Variants in COL14A1 observed in about 807,000 individuals in gnomAD.
The protein encoded by COL14A1 is collagen type XIV alpha 1 chain.
Under a neutral mutation model 230.3 loss-of-function variants are expected in COL14A1, and 136 were observed. The ratio of observed to expected loss-of-function variants is 0.59; its 90% CI spans 0.51 to 0.68. COL14A1 has a LOEUF of 0.68. Among genes scored for constraint, COL14A1 ranks in the 30% least tolerant of loss-of-function variants. The pLI is 0.00. For synonymous variants in COL14A1, 792 were observed against 784.1 expected (o/e 1.01, Z -0.17); for missense variants, 1,976 against 2,215.8 (o/e 0.89, Z 2.17).
intron 12 of COL14A1, among the ~76,000 whole-genome samples, chr8:120,211,558 G>A (rs1817616191): frequency 6.6e-6 from 1 of 152,014 alleles, no homozygotes; most frequent in South Asian, 2.1e-4. Context: ...AAGACCTGTT[G>A]TTTTATCTGA....
At position 120,131,838 on chromosome 8, in the gene COL14A1, C is replaced by CT. The variant is rs1172286717; in HGVS notation, c.-38+6524dup. 6.8e-3 allele frequency among the ~76,000 whole-genome samples: 472 copies of CT among 68,996 alleles called. 30 individuals are homozygous for CT. Among genetic ancestry groups the CT allele is most frequent in the African/African-American group, 0.013 (222 of 17,484 alleles). 45.3% of individuals were successfully genotyped at this position (68,996 alleles called of 152,430 possible). On this transcript the variant is annotated intron_variant, in intron 1 of 47. Coordinates refer to ENST00000297848, the MANE Select transcript of COL14A1 (RefSeq NM_021110.4). Reference sequence around the variant, plus strand: ...GGTTTTCTTCCTTTTTTCTTCCTTTCTTTTTTTTTTTTTTTTTTTTTTTTT... The same window carrying CT: ...GGTTTTCTTCCTTTTTTCTTCCTTTCTTTTTTTTTTTTTTTTTTTTTTTTTT...
At position 120,271,319 on chromosome 8, in the gene COL14A1, C is replaced by T. The variant is rs929136940; in HGVS notation, c.3213+1145C>T. Among the ~76,000 whole-genome samples, 40 of 151,348 alleles carry T rather than the reference C, an allele frequency of 2.6e-4. 1 individual carries two copies. Among genetic ancestry groups the T allele is most frequent in the Non-Finnish European group, 1.6e-4 (11 of 67,626 alleles). On this transcript the variant is annotated intron_variant, in intron 26 of 47. Transcript: ENST00000297848. ...ATAAAATAATCTGTGCATCATATCCCATGACTTGCAATTTATCTCTCTAAC... is the reference window on the plus strand; with the variant it reads ...ATAAAATAATCTGTGCATCATATCCTATGACTTGCAATTTATCTCTCTAAC...
intron 34 of COL14A1, among the ~76,000 whole-genome samples, chr8:120,295,932 T>C (rs1210640520): frequency 2.0e-5 from 3 of 151,924 alleles, no homozygotes; most frequent in African/African-American, 7.2e-5. Context: ...AGAATCCGTA[T>C]GATCTTTGAA....
Position 120,216,450 on chromosome 8 carries a change from G to A in COL14A1, c.1697G>A (p.Arg566Gln), listed in dbSNP as rs1817753948. Reference sequence around the variant, plus strand: ...ACTTCAAGACAGATCAATGGTTATCGAATTGTATATAACAATGCAGATGGG... The same window carrying A: ...ACTTCAAGACAGATCAATGGTTATCAAATTGTATATAACAATGCAGATGGG... Reference protein sequence around the residue: ...DPTSRQINGYRIVYNNADGTE... With the variant: ...DPTSRQINGYQIVYNNADGTE... The change falls in exon 14 of 48, where the codon CGA becomes CAA. Residue 566 changes from arginine to glutamine, a missense_variant. Around this residue, in one of 3 missense-constraint regions of COL14A1, gnomAD observed 1,791 missense variants for 2,019.5 expected, o/e 0.89. Coordinates refer to ENST00000297848, the MANE Select transcript of COL14A1 (RefSeq NM_021110.4). 8.1e-6 allele frequency: 13 copies of A among 1,613,632 alleles called. No individual in the cohort carries two copies. The highest frequency in any genetic ancestry group is 9.3e-6 in the Non-Finnish European group (11 of 1,179,854).
intron 6 of COL14A1, 143 bp downstream of exon 6, chr8:120,197,089 C>A: frequency 1.5e-6 from 1 of 657,050 alleles, no homozygotes; most frequent in Non-Finnish European, 2.5e-6. Context: ...ATGTTTGGAT[C>A]AATAAATATT....
chr8:120,218,132 A>G (rs1817818030), intron 14 of COL14A1, among the ~76,000 whole-genome samples: 1 of 137,756 alleles, frequency 7.3e-6, no homozygotes, highest in Admixed American at 7.6e-5. Context: ...ATATAAAAAT[A>G]TATAATATAT....
chr8:120,295,234 G>T (rs929419870), intron 34 of COL14A1, among the ~76,000 whole-genome samples: 2 of 151,830 alleles, frequency 1.3e-5, no homozygotes, highest in African/African-American at 4.8e-5. Flanking sequence ...AGACAAAATG[G>T]CATTGTAAGA....
chr8:120,249,093 A>ATT (rs773091250), intron 21 of COL14A1, among the ~76,000 whole-genome samples: 5,754 of 127,838 alleles, frequency 0.045, 166 homozygotes, highest in Middle Eastern at 0.11. Flanking sequence ...CGCCCGGCTA[A>ATT]TTTTTTTTTT....
intron 42 of COL14A1, among the ~76,000 whole-genome samples, chr8:120,336,709 G>A (rs563653247): frequency 1.4e-4 from 21 of 152,184 alleles, no homozygotes; most frequent in African/African-American, 4.6e-4. Context: ...TTTCCAACTT[G>A]GATTACCATC....
chr8:120,350,322 C>A (rs1413077697), intron 45 of COL14A1, among the ~76,000 whole-genome samples: 1 of 148,516 alleles, frequency 6.7e-6, no homozygotes, highest in East Asian at 2.0e-4. Flanking sequence ...GAAGAAACTG[C>A]ATCAACTAAC....
intron 22 of COL14A1, among the ~76,000 whole-genome samples, chr8:120,251,371 T>C (rs547218982): frequency 1.3e-5 from 2 of 152,180 alleles, no homozygotes; most frequent in Admixed American, 6.5e-5. Context: ...AATGTCAAAG[T>C]TGGAGCAGGA....
At chr8:120,253,324 G>C (rs918449293) in intron 22 of COL14A1, among the ~76,000 whole-genome samples, 5 of 151,844 alleles carry the variant, frequency 3.3e-5, no homozygotes, top group Non-Finnish European at 7.4e-5. Context: ...ATTTTTTACT[G>C]GTCTCTCTTC....
intron 14 of COL14A1, among the ~76,000 whole-genome samples, chr8:120,218,196 T>G (rs1306455975): frequency 7.3e-6 from 1 of 137,132 alleles, no homozygotes; most frequent in African/African-American, 2.8e-5. Context: ...AGTATATATC[T>G]ATATATAAAT....
intron 45 of COL14A1, among the ~76,000 whole-genome samples, chr8:120,362,809 A>T (rs1823266265): frequency 1.3e-5 from 2 of 152,154 alleles, no homozygotes; most frequent in African/African-American, 4.8e-5. Flanking sequence ...GTAGGAGGAG[A>T]TGGAGGGAGG....
chr8:120,202,185 T>G (rs1377111891), intron 8 of COL14A1, among the ~76,000 whole-genome samples: 1 of 152,218 alleles, frequency 6.6e-6, no homozygotes, highest in Admixed American at 6.5e-5. Context: ...TTCTCCATTT[T>G]CTGCTCTTGT....
chr8:120,177,962 A>C (rs1445419371), intron 5 of COL14A1, among the ~76,000 whole-genome samples: 1 of 152,082 alleles, frequency 6.6e-6, no homozygotes, highest in African/African-American at 2.4e-5. Context: ...TAGGAAGAAA[A>C]GAGCCAAATA....
At chr8:120,209,681 T>C in intron 11 of COL14A1, 75 bp from the exon 12 acceptor site, 3 of 1,433,158 alleles carry the variant, frequency 2.1e-6, no homozygotes, top group Non-Finnish European at 2.8e-6. Context: ...TGGTCAATCT[T>C]ATTTCTTGAT....
rs1176463963 is a variant in COL14A1, at chr8:120,285,365, G to C, written c.3968-496G>C. On this transcript the variant is annotated intron_variant, in intron 32 of 47. Coordinates refer to ENST00000297848, the MANE Select transcript of COL14A1 (RefSeq NM_021110.4). ...TGTAGTCCCAGCTACTTGGGAGGCT[G>C]AGGCAGGAGAAAGGTGTGAACCCAG... is the stretch of plus-strand genomic sequence containing the variant. Among the ~76,000 whole-genome samples, 10 of 149,832 alleles carry C rather than the reference G, an allele frequency of 6.7e-5. No homozygotes were observed. In the Admixed American group the frequency reaches 6.7e-4, roughly 10 times the overall value.
chr8:120,251,881 GTATAA>G (rs1347054838), intron 22 of COL14A1, among the ~76,000 whole-genome samples: 7 of 151,962 alleles, frequency 4.6e-5, no homozygotes, highest in Admixed American at 4.6e-4. Context: ...TTATAACAAT[GTATAA>G]TACCTTTTTC....
Sources: gnomAD v4.1 joint callset for allele counts (sites outside exome capture counted in the v4.1 genomes callset) on GRCh38, gnomAD v4.1.1 for gene constraint, gnomAD v4.1.1 regional missense constraint, MANE v1.5 for transcripts, NCBI Gene and HGNC (gene_info 2026-07-23, HGNC 2026-07-21) for gene names.